The following EGLN1 variants were observed in gnomAD, a reference collection of about 807,000 sequenced individuals.
EGLN1 encodes the protein egl nine homolog 1.
Under a neutral mutation model 38.3 loss-of-function variants are expected in EGLN1, and 17 were observed. The ratio of observed to expected loss-of-function variants is 0.44; its 90% CI spans 0.30 to 0.67. EGLN1 has a LOEUF of 0.67. EGLN1 is among the 30% of genes least tolerant of loss of function. The probability of loss-of-function intolerance (pLI) is 0.08; values close to 1 mark genes in which losing one functional copy is unlikely to be tolerated. For synonymous variants in EGLN1, 283 were observed against 257.5 expected (o/e 1.10, Z -0.95); for missense variants, 477 against 603.3 (o/e 0.79, Z 2.19).
chr1:231,381,189 G>A (rs1361250458), intron 1 of EGLN1, among the ~76,000 whole-genome samples: 2 of 152,046 alleles, frequency 1.3e-5, no homozygotes, highest in East Asian at 3.9e-4. Context: ...TTACAGGTGT[G>A]AGCCACCACA....
At chr1:231,368,593 C>T (rs913880044) in intron 3 of EGLN1, among the ~76,000 whole-genome samples, 3 of 152,046 alleles carry the variant, frequency 2.0e-5, no homozygotes, top group African/African-American at 4.8e-5. Flanking sequence ...AATGTATAAA[C>T]GCTATAGGAA....
Position 231,370,712 on chromosome 1 carries a change from CA to C in EGLN1, c.1012-15del, listed in dbSNP as rs762666408. On this transcript the variant is annotated splice_polypyrimidine_tract_variant and intron_variant, in intron 2 of 4. Transcript: ENST00000366641. ...ACCTCCACTTACCTAGGAAAAGAGC[CA>C]AATATGTAAGCAGGAGTAACCAAAA... is the stretch of plus-strand genomic sequence containing the variant. The C allele has an allele frequency of 6.2e-7, 1 of 1,613,790 alleles. No individual in the cohort carries two copies. Among genetic ancestry groups the C allele is most frequent in the South Asian group, 1.1e-5 (1 of 91,064 alleles).
intron 1 of EGLN1, among the ~76,000 whole-genome samples, chr1:231,376,998 C>T (rs1010472534): frequency 2.0e-5 from 3 of 152,124 alleles, no homozygotes; most frequent in Admixed American, 6.6e-5. Flanking sequence ...ACAGGAAGGC[C>T]TTTGGATATT....
At chr1:231,399,590 A>G (rs1688614849) in intron 1 of EGLN1, among the ~76,000 whole-genome samples, 1 of 152,222 alleles carries the variant, frequency 6.6e-6, no homozygotes, top group Non-Finnish European at 1.5e-5. Context: ...GGGAGAGGCG[A>G]GTAGAAGCAG....
Position 231,382,212 on chromosome 1 carries a change from T to C in EGLN1, c.892-8113A>G, listed in dbSNP as rs115924348. 7.3e-3 allele frequency among the ~76,000 whole-genome samples: 1,112 copies of C among 152,294 alleles called. 8 individuals are homozygous for C. The highest frequency in any genetic ancestry group is 0.011 in the South Asian group (53 of 4,828). ...GGATACAGAGATTAAAAGTAAAACATCTGTTTCAATTCCAGGGTCTAGAAG... is the reference window on the plus strand; with the variant it reads ...GGATACAGAGATTAAAAGTAAAACACCTGTTTCAATTCCAGGGTCTAGAAG... On this transcript the variant is annotated intron_variant, in intron 1 of 4. Coordinates refer to ENST00000366641, the MANE Select transcript of EGLN1 (RefSeq NM_022051.3).
chr1:231,366,501 T>G (rs761493776), intron 4 of EGLN1, 26 bp from the exon 5 acceptor site: 2 of 1,594,810 alleles, frequency 1.3e-6, no homozygotes, highest in Non-Finnish European at 8.6e-7. Context: ...AAAAAAAATT[T>G]TCATTCATTC....
At chr1:231,395,939 C>T (rs1364391192) in intron 1 of EGLN1, among the ~76,000 whole-genome samples, 2 of 151,786 alleles carry the variant, frequency 1.3e-5, no homozygotes, top group Admixed American at 6.6e-5. Flanking sequence ...CGTTTTCTCA[C>T]ATACCACTCA....
chr1:231,385,378 G>A (rs186980708), intron 1 of EGLN1, among the ~76,000 whole-genome samples: 3 of 152,180 alleles, frequency 2.0e-5, no homozygotes, highest in South Asian at 4.1e-4. Flanking sequence ...CAGTCCATGC[G>A]CTGACTACTT....
chr1:231,375,242 T>C lies in EGLN1; in HGVS notation c.892-1143A>G, dbSNP rs138137401. Among the ~76,000 whole-genome samples the C allele has an allele frequency of 3.7e-3, 546 of 147,520 alleles. 9 individuals are homozygous for C. Among genetic ancestry groups the C allele is most frequent in the African/African-American group, 0.012 (488 of 40,688 alleles). ...GGCTAATTTTTGTATTTTTAGTAGA[T>C]ACAGGGTTTCACCATGTTGGCCAAG... On this transcript the variant is annotated intron_variant, in intron 1 of 4. Transcript: ENST00000366641.
At chr1:231,380,408 T>A (rs1688055246) in intron 1 of EGLN1, among the ~76,000 whole-genome samples, 2 of 152,012 alleles carry the variant, frequency 1.3e-5, no homozygotes, top group Admixed American at 1.3e-4. Context: ...GCTGACTTAT[T>A]ATAAATGATT....
intron 1 of EGLN1, among the ~76,000 whole-genome samples, chr1:231,417,657 A>T (rs1203873300): frequency 1.3e-5 from 2 of 152,222 alleles, no homozygotes; most frequent in African/African-American, 2.4e-5. Flanking sequence ...GAGAAAGTGG[A>T]AACAGGAGCT....
Position 231,374,036 on chromosome 1 carries a change from C to T in EGLN1, c.955G>A (p.Gly319Arg). 1 of 1,613,582 alleles carries T rather than the reference C, an allele frequency of 6.2e-7. No homozygotes were observed. The highest frequency in any genetic ancestry group is 8.5e-7 in the Non-Finnish European group (1 of 1,179,550). Residue 319 changes from glycine (G) to arginine (R), a missense_variant, in exon 2 of 5, where the codon GGA (glycine) becomes AGA (arginine). This residue lies in a region of EGLN1 where 119 missense variants were observed against 179.0 expected (regional missense o/e 0.66). Coordinates refer to ENST00000366641, the MANE Select transcript of EGLN1 (RefSeq NM_022051.3). ...ATACATGTCACACATCTTCCATCTC[C>T]ATTTGGATTATCAACATGACGTACA... Reference protein sequence around the residue: ...GYVRHVDNPNGDGRCVTCIYY... With the variant: ...GYVRHVDNPNRDGRCVTCIYY...
chr1:231,404,542 G>C (rs2486725), intron 1 of EGLN1, among the ~76,000 whole-genome samples: 82,725 of 151,648 alleles, frequency 0.55, 24,195 homozygotes, highest in Non-Finnish European at 0.65. Flanking sequence ...ATTCAGGAGG[G>C]TGAGGCAGGA....
intron 1 of EGLN1, among the ~76,000 whole-genome samples, chr1:231,407,629 G>A (rs1026716304): frequency 4.6e-5 from 7 of 152,116 alleles, no homozygotes; most frequent in African/African-American, 1.7e-4. Context: ...CCATTGGTAG[G>A]GGTGAGGGAC....
intron 1 of EGLN1, among the ~76,000 whole-genome samples, chr1:231,408,984 A>C (rs1688860799): frequency 6.6e-6 from 1 of 151,928 alleles, no homozygotes; most frequent in African/African-American, 2.4e-5. Flanking sequence ...AAAAGTAGCA[A>C]TGGACAGAAT....
intron 1 of EGLN1, among the ~76,000 whole-genome samples, chr1:231,412,450 A>T (rs1688978088): frequency 1.3e-5 from 2 of 152,164 alleles, no homozygotes; most frequent in Non-Finnish European, 2.9e-5. Flanking sequence ...AATTTTCTCT[A>T]ATGTTCCCCT....
At chr1:231,391,014 G>C (rs1220658880) in intron 1 of EGLN1, among the ~76,000 whole-genome samples, 2 of 113,296 alleles carry the variant, frequency 1.8e-5, no homozygotes, top group Non-Finnish European at 4.1e-5. Context: ...TGCCCGGCTA[G>C]TGTGCGTGTA....
At chr1:231,370,237 T>C (rs546108897) in intron 3 of EGLN1, among the ~76,000 whole-genome samples, 10 of 152,288 alleles carry the variant, frequency 6.6e-5, no homozygotes, top group African/African-American at 2.2e-4. Flanking sequence ...TAAAATACTC[T>C]TACAAAAATC....
intron 3 of EGLN1, among the ~76,000 whole-genome samples, chr1:231,369,955 G>A (rs2472261): frequency 0.6 from 91,727 of 152,010 alleles, 27,942 homozygotes; most frequent in Non-Finnish European, 0.65. Context: ...AAAAGCATTT[G>A]AAATAAAGCA....
Sources: allele counts gnomAD v4.1 joint callset (sites outside exome capture counted in the v4.1 genomes callset), GRCh38; gene constraint gnomAD v4.1.1; regional missense constraint gnomAD v4.1.1; transcripts MANE v1.5; gene names NCBI Gene and HGNC (gene_info 2026-07-23, HGNC 2026-07-21).